The following SYNPR variants were observed in gnomAD, a reference collection of about 807,000 sequenced individuals.
The protein encoded by SYNPR is synaptoporin.
A neutral mutation model predicts 32.9 loss-of-function variants in SYNPR; 23 were observed. The observed-to-expected ratio is 0.70, with a 90% CI of 0.50 to 0.99. The LOEUF is 0.99. SYNPR is among the 50% of genes least tolerant of loss of function. SYNPR has a pLI of 0.00. For synonymous variants in SYNPR, 146 were observed against 135.9 expected, an observed-to-expected ratio of 1.07 and a Z score of -0.52; for missense variants, 318 against 349.3, an observed-to-expected ratio of 0.91 and a Z score of 0.71.
chr3:63,470,010 A>C (rs1700766181), intron 2 of SYNPR, among the ~76,000 whole-genome samples: 1 of 152,216 alleles, frequency 6.6e-6, no homozygotes, highest in Non-Finnish European at 1.5e-5. Context: ...TTATGATTTT[A>C]AGAAAATCAG....
chr3:63,330,200 T>A (rs535707817), intron 2 of SYNPR: 2 of 152,316 alleles, frequency 1.3e-5, no homozygotes, highest in South Asian at 4.1e-4. Context: ...ATCAGTTATT[T>A]GTTGACTGGA....
chr3:63,225,639 C>T (rs2086123059), upstream of SYNPR, among the ~76,000 whole-genome samples: 2 of 152,052 alleles, frequency 1.3e-5, no homozygotes, highest in South Asian at 2.1e-4. Context: ...CCATCATATA[C>T]AAAAACCAAC....
At chr3:63,358,370 C>T (rs1241107088) in intron 2 of SYNPR, among the ~76,000 whole-genome samples, 4 of 152,200 alleles carry the variant, frequency 2.6e-5, no homozygotes, top group African/African-American at 9.6e-5. Flanking sequence ...TGGCCCCTTC[C>T]TTGCATGGCT....
intron 2 of SYNPR, among the ~76,000 whole-genome samples, chr3:63,360,766 G>A (rs559858846): frequency 1.6e-4 from 24 of 152,236 alleles, no homozygotes; most frequent in South Asian, 1.5e-3. Flanking sequence ...GATGCAGAGT[G>A]CCCCCTTAAG....
intron 2 of SYNPR, among the ~76,000 whole-genome samples, chr3:63,339,999 C>T (rs2087343553): frequency 6.6e-6 from 1 of 152,158 alleles, no homozygotes; most frequent in African/African-American, 2.4e-5. Flanking sequence ...TTAACTTGTC[C>T]TTAACTCCTG....
At chr3:63,452,372 A>T (rs1700395070) in intron 2 of SYNPR, among the ~76,000 whole-genome samples, 1 of 152,214 alleles carries the variant, frequency 6.6e-6, no homozygotes, top group African/African-American at 2.4e-5. Context: ...GGTACTAATT[A>T]TGTGACAGGC....
At chr3:63,513,697 T>TC (rs1247599560) in intron 3 of SYNPR, among the ~76,000 whole-genome samples, 6 of 152,146 alleles carry the variant, frequency 3.9e-5, no homozygotes, top group Admixed American at 3.3e-4. Context: ...AAAGATATAT[T>TC]CCCCTACAGT....
chr3:63,255,762 G>T (rs1028635693), intron 2 of SYNPR, among the ~76,000 whole-genome samples: 1 of 152,136 alleles, frequency 6.6e-6, no homozygotes. Context: ...AGGACAGTGG[G>T]TGCAGTGCAC....
At chr3:63,531,490 A>T (rs886335024) in intron 3 of SYNPR, among the ~76,000 whole-genome samples, 1 of 152,138 alleles carries the variant, frequency 6.6e-6, no homozygotes, top group African/African-American at 2.4e-5. Flanking sequence ...GTCTTCTTAC[A>T]TCTGTCACAT....
intron 3 of SYNPR, among the ~76,000 whole-genome samples, chr3:63,507,078 C>T (rs754242498): frequency 1.4e-4 from 21 of 151,340 alleles, no homozygotes; most frequent in Non-Finnish European, 2.9e-4. Context: ...ACCTGGGAGG[C>T]GGAGATTGCA....
chr3:63,453,592 C>T (rs1469616316), intron 2 of SYNPR, among the ~76,000 whole-genome samples: 1 of 152,092 alleles, frequency 6.6e-6, no homozygotes, highest in Non-Finnish European at 1.5e-5. Context: ...ATCAGACAAA[C>T]ATTAAATGAC....
intron 4 of SYNPR, among the ~76,000 whole-genome samples, chr3:63,582,522 C>A (rs576510436): frequency 6.6e-6 from 1 of 151,906 alleles, no homozygotes; most frequent in African/African-American, 2.4e-5. Context: ...GGTCTTGATC[C>A]GCTGATATTC....
rs76285076 is a variant in SYNPR at position 63,387,949 on chromosome 3, C to T, written c.85-92883C>T. Among the ~76,000 whole-genome samples the T allele has an allele frequency of 3.9e-5, 6 of 152,210 alleles. No individual in the cohort carries two copies. The East Asian group carries it at 1.2e-3, about 29-fold the overall frequency. On this transcript the variant is annotated intron_variant, in intron 2 of 5. Transcript: ENST00000478300. ...GAAAACTTGGATCATTGGATCAACA[C>T]CTGGGGAGGGCAAAGGGATGGGAGC... is the stretch of plus-strand genomic sequence containing the variant.
intron 3 of SYNPR, among the ~76,000 whole-genome samples, chr3:63,487,853 A>C (rs564485820): frequency 2.5e-4 from 38 of 152,294 alleles, no homozygotes; most frequent in African/African-American, 8.4e-4. Context: ...TGATCTTTGT[A>C]ATCTGTGAAA....
At chr3:63,291,067 G>T (rs2086733927) in intron 2 of SYNPR, among the ~76,000 whole-genome samples, 1 of 152,150 alleles carries the variant, frequency 6.6e-6, no homozygotes, top group African/African-American at 2.4e-5. Context: ...TGGGAAAAGG[G>T]GGTAGCTGGA....
At chr3:63,260,340 C>A (rs1575578917) in intron 2 of SYNPR, among the ~76,000 whole-genome samples, 1 of 152,238 alleles carries the variant, frequency 6.6e-6, no homozygotes, top group East Asian at 1.9e-4. Flanking sequence ...GCCACAGTAA[C>A]CAAAACAGCA....
chr3:63,562,655 G>A (rs1053320310), intron 4 of SYNPR, among the ~76,000 whole-genome samples: 3 of 152,194 alleles, frequency 2.0e-5, no homozygotes, highest in Non-Finnish European at 4.4e-5. Context: ...GTAGTGCAAT[G>A]AGAATTAACC....
chr3:63,431,583 A>G (rs1042706366), intron 2 of SYNPR, among the ~76,000 whole-genome samples: 18 of 152,198 alleles, frequency 1.2e-4, no homozygotes, highest in African/African-American at 3.4e-4. Flanking sequence ...GGAAAAGTAG[A>G]GTCATGGTTG....
intron 2 of SYNPR, among the ~76,000 whole-genome samples, chr3:63,295,354 G>A: frequency 6.6e-6 from 1 of 152,126 alleles, no homozygotes; most frequent in Non-Finnish European, 1.5e-5. Context: ...CAAGAAATCT[G>A]AGGCTTAGAA....
Sources: allele counts gnomAD v4.1 joint callset (sites outside exome capture counted in the v4.1 genomes callset), GRCh38; gene constraint gnomAD v4.1.1; transcripts MANE v1.5; gene names NCBI Gene and HGNC (gene_info 2026-07-23, HGNC 2026-07-21).